Variants in TTI1 observed in about 807,000 individuals in gnomAD.
TTI1 encodes TELO2 interacting protein 1, also known as TELO2-interacting protein 1 homolog.
A neutral mutation model predicts 85.4 loss-of-function variants in TTI1; 52 were observed. The observed-to-expected ratio is 0.61, with a 90% CI of 0.49 to 0.77. The LOEUF (loss-of-function observed/expected upper bound fraction) is 0.77. Ranked by LOEUF, TTI1 falls within the 30% of genes least tolerant of loss-of-function variation. TTI1 has a pLI of 0.00. For synonymous variants in TTI1, 512 were observed against 503.9 expected (o/e 1.02, Z -0.22); for missense variants, 1,173 against 1,296.0 (o/e 0.91, Z 1.46).
At chr20:37,987,944 G>A (rs6091621) in intron 7 of TTI1, among the ~76,000 whole-genome samples, 14,158 of 152,164 alleles carry the variant, frequency 0.093, 869 homozygotes, top group East Asian at 0.32. Context: ...GGGGCGAGGA[G>A]GTGGGAATGG....
At position 38,013,284 on chromosome 20, in the gene TTI1, A is replaced by G; in HGVS notation, c.533T>C (p.Leu178Ser). The G allele has an allele frequency of 6.2e-7, 1 of 1,614,110 alleles. No individual in the cohort carries two copies. Among genetic ancestry groups the G allele is most frequent in the South Asian group, 1.1e-5 (1 of 91,084 alleles). ...ATCACACTGCAAGAGTAGAACCTGTAAACATTTTAAGGCAGCAATTTTAAT... is the reference window on the plus strand; with the variant it reads ...ATCACACTGCAAGAGTAGAACCTGTGAACATTTTAAGGCAGCAATTTTAAT... ...KQIKIAALKC[L>S]QVLLLQCDCQ... Residue 178 changes from leucine to serine, a missense_variant, in exon 2 of 8, where the codon TTA (leucine) becomes TCA (serine). Transcript: ENST00000373447.
intron 1 of TTI1, among the ~76,000 whole-genome samples, chr20:38,033,089 C>G (rs1600667315): frequency 6.6e-6 from 1 of 152,236 alleles, no homozygotes; most frequent in Middle Eastern, 3.4e-3. Context: ...TTAAAGGGTG[C>G]TCCGGGGGGC....
At chr20:37,996,202 A>G (rs553338849) in intron 7 of TTI1, among the ~76,000 whole-genome samples, 173 bp downstream of exon 7, 4 of 152,338 alleles carry the variant, frequency 2.6e-5, no homozygotes, top group Admixed American at 6.5e-5. Context: ...ACTGGCAAAG[A>G]GAAACACATC....
In TTI1 at chr20:38,026,467, C is replaced by T. The variant is rs145386180; in HGVS notation, c.-42+6937G>A. Among the ~76,000 whole-genome samples the T allele has an allele frequency of 1.7e-4, 26 of 152,216 alleles. No homozygotes were observed. The East Asian group carries it at 3.1e-3, about 18-fold the overall frequency. On this transcript the variant is annotated intron_variant, in intron 1 of 7. Transcript: ENST00000373447. ...GCCACCATGCCCAGAGGGGAGAAAA[C>T]AATTCTAATGACAATCTCATCAGAA...
intron 4 of TTI1, among the ~76,000 whole-genome samples, chr20:38,001,872 C>G (rs1185704166): frequency 6.6e-6 from 1 of 152,196 alleles, no homozygotes; most frequent in African/African-American, 2.4e-5. Context: ...GCATGCACCA[C>G]CATGCCCGGT....
chr20:37,998,719 G>A, intron 5 of TTI1, among the ~76,000 whole-genome samples: 1 of 152,192 alleles, frequency 6.6e-6, no homozygotes. Flanking sequence ...GTGGTCCTGG[G>A]TTTTGTCAGC....
intron 2 of TTI1, among the ~76,000 whole-genome samples, chr20:38,008,539 C>T (rs1019689753): frequency 3.9e-5 from 6 of 152,202 alleles, no homozygotes; most frequent in African/African-American, 1.4e-4. Context: ...GAATAATCAG[C>T]TAACCAGCAG....
chr20:38,030,889 C>T (rs2073897465), intron 1 of TTI1, among the ~76,000 whole-genome samples: 1 of 152,180 alleles, frequency 6.6e-6, no homozygotes, highest in African/African-American at 2.4e-5. Context: ...AATGCTTGCT[C>T]TTACTCTCCA....
chr20:38,013,732 T>A lies in TTI1; in HGVS notation c.85A>T (p.Asn29Tyr). 1 of 1,614,070 alleles carries A rather than the reference T, an allele frequency of 6.2e-7. No individual in the cohort carries two copies. Reference sequence around the variant, plus strand: ...AGTCGTGTCTGCAGATGCTCCACATTCTCCACTGTCTGGGTCTTTGTGAGC... The same window carrying A: ...AGTCGTGTCTGCAGATGCTCCACATACTCCACTGTCTGGGTCTTTGTGAGC... ...VQLTKTQTVENVEHLQTRLQA... is the reference protein window; with the variant it reads ...VQLTKTQTVEYVEHLQTRLQA... Residue 29 changes from asparagine (N) to tyrosine (Y), a missense_variant, in exon 2 of 8, where the codon AAT becomes TAT. Transcript: ENST00000373447.
intron 1 of TTI1, among the ~76,000 whole-genome samples, chr20:38,025,473 G>A (rs6068536): frequency 0.16 from 24,109 of 151,942 alleles, 1,922 homozygotes; most frequent in South Asian, 0.27. Flanking sequence ...GGAGGCTGAG[G>A]CAGGAGAATC....
At chr20:37,983,968 AAAG>A (rs1211221094) in intron 7 of TTI1, among the ~76,000 whole-genome samples, 6 of 152,360 alleles carry the variant, frequency 3.9e-5, no homozygotes, top group African/African-American at 1.2e-4. Flanking sequence ...GAGTTTTCAC[AAAG>A]AAGAAAAACG....
chr20:38,027,121 C>T (rs1229264713), intron 1 of TTI1, among the ~76,000 whole-genome samples: 1 of 152,098 alleles, frequency 6.6e-6, no homozygotes, highest in Non-Finnish European at 1.5e-5. Flanking sequence ...AGAGAATAAA[C>T]AGAAAGAAAC....
intron 3 of TTI1, among the ~76,000 whole-genome samples, chr20:38,004,610 A>C (rs1179879677): frequency 2.0e-5 from 3 of 152,204 alleles, no homozygotes; most frequent in Admixed American, 1.3e-4. Context: ...GATGAATGAT[A>C]AGCATGATAG....
In TTI1 at chr20:38,012,847, A is replaced by T; in HGVS notation, c.970T>A (p.Ser324Thr). 6.2e-7 allele frequency: 1 copy of T among 1,614,142 alleles called. No individual in the cohort carries two copies. Among genetic ancestry groups the T allele is most frequent in the Non-Finnish European group, 8.5e-7 (1 of 1,180,020 alleles). ...VEDLLLKCSQ[S>T]LVECAGPLLK... ...AGGGGACCAGCACATTCGACCAATG[A>T]TTGACTGCACTTCAAAAGAAGGTCC... Residue 324 changes from serine to threonine, a missense_variant, in exon 2 of 8, where the codon TCA becomes ACA. Coordinates refer to ENST00000373447, the MANE Select transcript of TTI1 (RefSeq NM_001303457.2).
chr20:38,011,432 C>G (rs1299475083), intron 2 of TTI1, 83 bp downstream of exon 2: 1 of 1,483,406 alleles, frequency 6.7e-7, no homozygotes, highest in African/African-American at 1.4e-5. Context: ...TCACCACAAA[C>G]AATGCAAAAA....
rs966830718 is a variant in TTI1, at chr20:38,004,014, G to A, written c.2504-1238C>T. Among the ~76,000 whole-genome samples, 4 of 152,104 alleles carry A rather than the reference G, an allele frequency of 2.6e-5. No individual in the cohort carries two copies. In the South Asian group the frequency reaches 8.3e-4, roughly 32 times the overall value. On this transcript the variant is annotated intron_variant, in intron 3 of 7. Transcript: ENST00000373447. ...GTTCATAGGGCATGGAGTTTGGTTA[G>A]AGGAGGTTGGACCAAGTCTTGCCTC...
At chr20:38,015,268 T>C (rs972970063) in intron 1 of TTI1, among the ~76,000 whole-genome samples, 5 of 152,092 alleles carry the variant, frequency 3.3e-5, no homozygotes, top group African/African-American at 9.7e-5. Flanking sequence ...TGGAACCCTA[T>C]GAGGAAGGGC....
rs548035656 is a variant in TTI1 at position 37,983,493 on chromosome 20, G to C, written c.3233C>G (p.Thr1078Arg). 1.9e-6 allele frequency: 3 copies of C among 1,611,744 alleles called. No individual in the cohort carries two copies. Among genetic ancestry groups the C allele is most frequent in the Non-Finnish European group, 1.7e-6 (2 of 1,179,758 alleles). ...HGASGQQNPY[T>R]TNVLQLLKEL... ...CTTGAGCAGCTGGAGCACGTTGGTCGTGTAGGGGTTCTGCTGCCCGCTGGC... is the reference window on the plus strand; with the variant it reads ...CTTGAGCAGCTGGAGCACGTTGGTCCTGTAGGGGTTCTGCTGCCCGCTGGC... Residue 1078 changes from threonine to arginine, a missense_variant, in exon 8 of 8, where the codon ACG becomes AGG. Transcript: ENST00000373447.
At chr20:38,021,034 T>A (rs1022288922) in intron 1 of TTI1, among the ~76,000 whole-genome samples, 1 of 152,202 alleles carries the variant, frequency 6.6e-6, no homozygotes, top group African/African-American at 2.4e-5. Context: ...TATAAGCTTA[T>A]CAAAAGATAT....
Sources: allele counts gnomAD v4.1 joint callset (sites outside exome capture counted in the v4.1 genomes callset), GRCh38; gene constraint gnomAD v4.1.1; transcripts MANE v1.5; gene names NCBI Gene and HGNC (gene_info 2026-07-23, HGNC 2026-07-21).